Variants in PTPRG observed in about 807,000 individuals in gnomAD.
PTPRG encodes receptor-type tyrosine-protein phosphatase gamma.
Under a neutral mutation model 165.3 loss-of-function variants are expected in PTPRG, and 102 were observed. That is an observed-to-expected ratio of 0.62 (90% CI 0.53 to 0.73). The LOEUF (loss-of-function observed/expected upper bound fraction) is 0.73. Ranked by LOEUF, PTPRG falls within the 30% of genes least tolerant of loss-of-function variation. PTPRG has a pLI of 0.00. For synonymous variants in PTPRG, 675 were observed against 669.5 expected (o/e 1.01, Z -0.13); for missense variants, 1,866 against 1,861.4 (o/e 1.00, Z -0.05).
intron 1 of PTPRG, among the ~76,000 whole-genome samples, chr3:61,592,119 C>T (rs1278263786): frequency 6.6e-6 from 1 of 151,870 alleles, no homozygotes; most frequent in African/African-American, 2.4e-5. Flanking sequence ...GATTACAGGC[C>T]ACCATACCCA....
At chr3:61,726,287 G>T (rs1179802805) in intron 1 of PTPRG, among the ~76,000 whole-genome samples, 1 of 152,114 alleles carries the variant, frequency 6.6e-6, no homozygotes, top group Non-Finnish European at 1.5e-5. Context: ...TCTTTCAAGC[G>T]AAAGGGTCTT....
chr3:62,120,767 G>C (rs1355656099), intron 5 of PTPRG, among the ~76,000 whole-genome samples: 1 of 150,708 alleles, frequency 6.6e-6, no homozygotes, highest in African/African-American at 2.4e-5. Context: ...AAAAGAAAAA[G>C]ATTGGAAGAT....
intron 2 of PTPRG, among the ~76,000 whole-genome samples, chr3:61,949,770 C>G (rs115927234): frequency 6.7e-6 from 1 of 150,340 alleles, no homozygotes; most frequent in Non-Finnish European, 1.5e-5. Context: ...GAAGAAGTCT[C>G]GCTCTGTCAC....
intron 13 of PTPRG, among the ~76,000 whole-genome samples, chr3:62,223,117 G>C (rs1700686878): frequency 6.6e-6 from 1 of 152,072 alleles, no homozygotes; most frequent in Non-Finnish European, 1.5e-5. Flanking sequence ...AGTGTTGTTG[G>C]AGCAGAGTGT....
intron 28 of PTPRG, among the ~76,000 whole-genome samples, chr3:62,288,140 T>TA (rs374405748): frequency 0.015 from 1,682 of 113,570 alleles, 12 homozygotes; most frequent in Middle Eastern, 0.019. Context: ...AAACTGTACT[T>TA]AAAAAAAAAA....
At chr3:62,230,127 C>T (rs536147753) in intron 13 of PTPRG, among the ~76,000 whole-genome samples, 1 of 152,130 alleles carries the variant, frequency 6.6e-6, no homozygotes, top group Non-Finnish European at 1.5e-5. Flanking sequence ...GCAATCCCTC[C>T]CCCCTTTTAA....
intron 6 of PTPRG, among the ~76,000 whole-genome samples, chr3:62,139,091 C>G (rs191407427): frequency 6.6e-6 from 1 of 152,182 alleles, no homozygotes; most frequent in Non-Finnish European, 1.5e-5. Context: ...TCACTTTCCT[C>G]TCCTGGAGAA....
intron 4 of PTPRG, among the ~76,000 whole-genome samples, chr3:62,008,068 G>T (rs1467469970): frequency 6.6e-6 from 1 of 152,178 alleles, no homozygotes; most frequent in Non-Finnish European, 1.5e-5. Context: ...TGTCTGTCCA[G>T]CCACAGTTAT....
intron 1 of PTPRG, among the ~76,000 whole-genome samples, chr3:61,605,542 CACCACACCA>C (rs1700978786): frequency 6.6e-6 from 1 of 151,050 alleles, no homozygotes; most frequent in South Asian, 2.1e-4. Flanking sequence ...AGGTGTGAGC[CACCACACCA>C]AGCCAATTTT....
intron 1 of PTPRG, among the ~76,000 whole-genome samples, chr3:61,693,019 T>C (rs2030322376): frequency 6.6e-6 from 1 of 152,188 alleles, no homozygotes; most frequent in Non-Finnish European, 1.5e-5. Flanking sequence ...AGCAATTGGA[T>C]AAGATATGAA....
intron 1 of PTPRG, among the ~76,000 whole-genome samples, chr3:61,568,410 A>T (rs536907736): frequency 4.6e-5 from 7 of 151,958 alleles, no homozygotes; most frequent in African/African-American, 1.5e-4. Context: ...GCTGTGCAAG[A>T]TTGCTTTAAG....
chr3:62,009,363 G>A (rs945596381), intron 4 of PTPRG, among the ~76,000 whole-genome samples: 1 of 152,136 alleles, frequency 6.6e-6, no homozygotes, highest in Non-Finnish European at 1.5e-5. Flanking sequence ...GTTCAGGATT[G>A]TCCAGCCAGA....
chr3:62,265,665 GAAGA>G (rs1701839504), intron 17 of PTPRG, among the ~76,000 whole-genome samples: 1 of 152,052 alleles, frequency 6.6e-6, no homozygotes, highest in Non-Finnish European at 1.5e-5. Flanking sequence ...GGAGAACAAG[GAAGA>G]AAGTCAAACC....
At chr3:62,280,842 T>C (rs1358780146) in intron 26 of PTPRG, among the ~76,000 whole-genome samples, 1 of 151,780 alleles carries the variant, frequency 6.6e-6, no homozygotes, top group Non-Finnish European at 1.5e-5. Context: ...ATAAAGAAAT[T>C]TGTGGGGTAG....
At chr3:62,035,643 A>G (rs947870476) in intron 4 of PTPRG, among the ~76,000 whole-genome samples, 4 of 152,000 alleles carry the variant, frequency 2.6e-5, no homozygotes, top group Non-Finnish European at 5.9e-5. Flanking sequence ...TTATAATCCT[A>G]CTCCTTCAAT....
chr3:61,600,182 A>ATGTGTGTGTGTGTGTGTGTG (rs1559518876), intron 1 of PTPRG, among the ~76,000 whole-genome samples: 5 of 97,084 alleles, frequency 5.2e-5, no homozygotes, highest in African/African-American at 1.8e-4. Flanking sequence ...AAATATATAT[A>ATGTGTGTGTGTGTGTGTGTG]TATATATATA....
intron 23 of PTPRG, among the ~76,000 whole-genome samples, chr3:62,275,660 G>C (rs527574155): frequency 6.6e-6 from 1 of 152,278 alleles, no homozygotes; most frequent in East Asian, 1.9e-4. Flanking sequence ...TACTCAGGAG[G>C]CTGAGGTGGG....
intron 16 of PTPRG, among the ~76,000 whole-genome samples, chr3:62,256,569 T>C (rs746695861): frequency 6.6e-6 from 1 of 152,236 alleles, no homozygotes; most frequent in Non-Finnish European, 1.5e-5. Context: ...TCAAACATTT[T>C]GTATTCATGA....
chr3:61,598,577 C>A (rs1017241433), intron 1 of PTPRG, among the ~76,000 whole-genome samples: 1 of 152,120 alleles, frequency 6.6e-6, no homozygotes, highest in East Asian at 1.9e-4. Flanking sequence ...GGGACCAGTG[C>A]CCAAGAGATG....
Sources: allele counts gnomAD v4.1 joint callset (sites outside exome capture counted in the v4.1 genomes callset), GRCh38; gene constraint gnomAD v4.1.1; transcripts MANE v1.5; gene names NCBI Gene and HGNC (gene_info 2026-07-23, HGNC 2026-07-21).